The following ATF4 variants were observed in gnomAD, a reference collection of about 807,000 sequenced individuals.
The protein encoded by ATF4 is activating transcription factor 4.
A neutral mutation model predicts 21.0 loss-of-function variants in ATF4; 8 were observed. That is an observed-to-expected ratio of 0.38 (90% CI 0.22 to 0.69). ATF4 has a LOEUF of 0.69. ATF4 is among the 30% of genes least tolerant of loss of function. The pLI is 0.49. For synonymous variants in ATF4, 241 were observed against 166.4 expected (o/e 1.45, Z -3.45); for missense variants, 549 against 425.9 (o/e 1.29, Z -2.54).
intron 1 of ATF4, 41 bp from the exon 2 acceptor site, chr22:39,521,313 A>T (rs1204987831): frequency 5.5e-6 from 4 of 724,676 alleles, no homozygotes; most frequent in South Asian, 2.0e-5. Flanking sequence ...TTCTCAGAAC[A>T]GCTAACCTCT....
chr22:39,522,658 T>C lies in ATF4; in HGVS notation c.*56T>C. The C allele has an allele frequency of 7.2e-7, 1 of 1,395,574 alleles. No homozygotes were observed. The highest frequency in any genetic ancestry group is 9.5e-7 in the Non-Finnish European group (1 of 1,050,396). The allele number at this position is 1,395,574 out of a possible 1,614,324, so 86.4% of individuals were successfully genotyped here. On this transcript the variant is annotated 3_prime_UTR_variant, in exon 3 of 3. Transcript: ENST00000674920. ...GTACATAGAGTGCTGTAGCTGTGTG[T>C]TCCAATAAATTATTTTGTAGGGAAA...
chr22:39,521,927 C>T lies in ATF4; in HGVS notation c.381C>T (p.Val127=). ...CTTGTGATCTCTTTGCCCCCCTAGT[C>T]CAGGAGACTAATAAGCAGCCCCCCC... The part of the protein sequence containing the change: ...DDTCDLFAPL[V]QETNKQPPQT... The change falls in exon 3 of 3, where the codon GTC becomes GTT. Residue 127 remains valine, a synonymous_variant. Coordinates refer to ENST00000674920, the MANE Select transcript of ATF4 (RefSeq NM_182810.3). 1.2e-6 allele frequency: 2 copies of T among 1,612,924 alleles called. No individual in the cohort carries two copies. The highest frequency in any genetic ancestry group is 8.5e-7 in the Non-Finnish European group (1 of 1,179,566).
rs149522605 is a variant in ATF4, at chr22:39,522,017, C to A, written c.471C>A (p.Phe157Leu). 2.5e-6 allele frequency: 4 copies of A among 1,613,922 alleles called. No homozygotes were observed. The highest frequency in any genetic ancestry group is 1.7e-5 in the Admixed American group (1 of 60,022). Residue 157 changes from phenylalanine to leucine, a missense_variant, in exon 3 of 3, where the codon TTC becomes TTA. Phe to Leu is a conservative substitution (Grantham distance 22). Transcript: ENST00000674920. Reference sequence around the variant, plus strand: ...CAAAACCCGACCAGGTTGCCCCCTTCACCTTCTTACAACCTCTTCCCCTTT... The same window carrying A: ...CAAAACCCGACCAGGTTGCCCCCTTAACCTTCTTACAACCTCTTCCCCTTT... ...SLTKPDQVAPFTFLQPLPLSP... is the reference protein window; with the variant it reads ...SLTKPDQVAPLTFLQPLPLSP...
rs1480481475 is a variant in ATF4, at chr22:39,521,436, G to A, written c.-10G>A. 5.2e-6 allele frequency: 8 copies of A among 1,526,240 alleles called. No individual in the cohort carries two copies. Among genetic ancestry groups the A allele is most frequent in the Non-Finnish European group, 6.2e-6 (7 of 1,136,460 alleles). 94.5% of individuals were successfully genotyped at this position (1,526,240 alleles called of 1,614,324 possible). A position where few individuals can be genotyped will look rare whatever the true frequency, so the allele number is the denominator to read the frequency against. On this transcript the variant is annotated 5_prime_UTR_variant, in exon 2 of 3. Transcript: ENST00000674920. Reference sequence around the variant, plus strand: ...AAGCACATTCCTCGATTCCAGCAAAGCACCGCAACATGACCGAAATGAGCT... The same window carrying A: ...AAGCACATTCCTCGATTCCAGCAAAACACCGCAACATGACCGAAATGAGCT...
chr22:39,522,436 A>G lies in ATF4; in HGVS notation c.890A>G (p.Gln297Arg), dbSNP rs1006300408. 2.5e-6 allele frequency: 4 copies of G among 1,613,676 alleles called. No homozygotes were observed. Among genetic ancestry groups the G allele is most frequent in the African/African-American group, 2.7e-5 (2 of 74,938 alleles). ...AAGACAGCAGCCACTAGGTACCGCC[A>G]GAAGAAGAGGGCGGAGCAGGAGGCT... The part of the protein sequence containing the change: ...QNKTAATRYR[Q>R]KKRAEQEALT... The change falls in exon 3 of 3, where the codon CAG (glutamine) becomes CGG (arginine). Residue 297 changes from glutamine to arginine, a missense_variant. By Grantham distance (43) the Gln-to-Arg change is conservative (BLOSUM62 1). Coordinates refer to ENST00000674920, the MANE Select transcript of ATF4 (RefSeq NM_182810.3).
At position 39,521,783 on chromosome 22, in the gene ATF4, C is replaced by G. The variant is rs1465556119; in HGVS notation, c.237C>G (p.Phe79Leu). ...TCAAATGTTTTGCAGAGGATGCCTT[C>G]TCCGGGACAGATTGGATGTTGGAGA... ...SPSNNSKEDA[F>L]SGTDWMLEKM... The change falls in exon 3 of 3, where the codon TTC becomes TTG. Residue 79 changes from phenylalanine (F) to leucine (L), a missense_variant. Physicochemically the swap from Phe to Leu is conservative, Grantham distance 22. Transcript: ENST00000674920. The G allele has an allele frequency of 1.3e-5, 21 of 1,613,844 alleles. No homozygotes were observed. The highest frequency in any genetic ancestry group is 6.6e-5 in the South Asian group (6 of 91,076).
At position 39,522,187 on chromosome 22, in the gene ATF4, C is replaced by G. The variant is rs1384839370; in HGVS notation, c.641C>G (p.Pro214Arg). The stretch of plus-strand genomic sequence containing the variant: ...CAGTGCATAAAGGAGGAAGACACCC[C>G]TTCAGATAATGATAGTGGCATCTGT... ...IPQCIKEEDTPSDNDSGICMS... is the reference protein window; with the variant it reads ...IPQCIKEEDTRSDNDSGICMS... The change falls in exon 3 of 3, where the codon CCT becomes CGT. Residue 214 changes from proline (P) to arginine (R), a missense_variant. Transcript: ENST00000674920. The G allele has an allele frequency of 2.5e-6, 4 of 1,611,952 alleles. No individual in the cohort carries two copies. The South Asian group carries it at 4.4e-5, about 18-fold the overall frequency.
Position 39,521,612 on chromosome 22 carries a change from C to T in ATF4, c.167C>T (p.Ala56Val), listed in dbSNP as rs994266051. Reference sequence around the variant, plus strand: ...GGGTTCTCCAGCGACAAGGCTAAGGCGGGCTCCTCCGAATGGCTGGCTGTG... The same window carrying T: ...GGGTTCTCCAGCGACAAGGCTAAGGTGGGCTCCTCCGAATGGCTGGCTGTG... Reference protein sequence around the residue: ...PHGFSSDKAKAGSSEWLAVDG... With the variant: ...PHGFSSDKAKVGSSEWLAVDG... Residue 56 changes from alanine (A) to valine (V), a missense_variant, in exon 2 of 3, where the codon GCG becomes GTG. By Grantham distance (64) the Ala-to-Val change is moderately conservative. Transcript: ENST00000674920. The T allele has an allele frequency of 1.4e-5, 22 of 1,614,022 alleles. No individual in the cohort carries two copies. Among genetic ancestry groups the T allele is most frequent in the Non-Finnish European group, 1.8e-5 (21 of 1,180,026 alleles).
chr22:39,520,868 GC>G (rs1265971164), intron 1 of ATF4, 117 bp downstream of exon 1: 1 of 152,914 alleles, frequency 6.5e-6, no homozygotes, highest in African/African-American at 2.4e-5. Context: ...TTTAACGAGC[GC>G]CCGGGACGCG....
At position 39,521,435 on chromosome 22, in the gene ATF4, A is replaced by G; in HGVS notation, c.-11A>G. On this transcript the variant is annotated 5_prime_UTR_variant, in exon 2 of 3. Transcript: ENST00000674920. ...TAAGCACATTCCTCGATTCCAGCAA[A>G]GCACCGCAACATGACCGAAATGAGC... 6.6e-7 allele frequency: 1 copy of G among 1,524,156 alleles called. No homozygotes were observed. Among genetic ancestry groups the G allele is most frequent in the Non-Finnish European group, 8.8e-7 (1 of 1,135,622 alleles). The allele number at this position is 1,524,156 out of a possible 1,614,324, so 94.4% of individuals were successfully genotyped here. A position where few individuals can be genotyped will look rare whatever the true frequency, so the allele number is the denominator to read the frequency against.
At position 39,521,155 on chromosome 22, in the gene ATF4, G is replaced by C. The variant is rs1930918408; in HGVS notation, c.-92-199G>C. On this transcript the variant is annotated intron_variant, in intron 1 of 2. Transcript: ENST00000674920. ...GGGGACGGAGCGCTTTCCTCTTGGC[G>C]GCCGGTGGAAGAATCCCCTGGTCTC... 1.4e-5 allele frequency: 3 copies of C among 212,440 alleles called. No individual in the cohort carries two copies. The Admixed American group carries it at 1.7e-4, about 12-fold the overall frequency. 13.2% of individuals were successfully genotyped at this position (212,440 alleles called of 1,614,324 possible).
rs533796405 is a variant in ATF4, at chr22:39,521,684, C to T, written c.226+13C>T. 2 of 1,612,172 alleles carry T rather than the reference C, an allele frequency of 1.2e-6. No homozygotes were observed. The highest frequency in any genetic ancestry group is 2.2e-5 in the South Asian group (2 of 90,942). ...AACAACAGCAAGGGTGAGTGGGCCA[C>T]CACCACATCGTCCTGGTGGGATCTA... is the stretch of plus-strand genomic sequence containing the variant. On this transcript the variant is annotated intron_variant, in intron 2 of 2. Transcript: ENST00000674920.
At position 39,521,569 on chromosome 22, in the gene ATF4, A is replaced by G; in HGVS notation, c.124A>G (p.Lys42Glu). Residue 42 changes from lysine to glutamate, a missense_variant, in exon 2 of 3, where the codon AAG becomes GAG. Lys to Glu is a moderately conservative substitution (Grantham distance 56, BLOSUM62 1). Coordinates refer to ENST00000674920, the MANE Select transcript of ATF4 (RefSeq NM_182810.3). ...CTTAGATGATTACCTGGAGGTGGCC[A>G]AGCACTTCAAACCTCATGGGTTCTC... ...GLLDDYLEVA[K>E]HFKPHGFSSD... The G allele has an allele frequency of 6.2e-7, 1 of 1,613,794 alleles. No homozygotes were observed. The highest frequency in any genetic ancestry group is 8.5e-7 in the Non-Finnish European group (1 of 1,179,998).
rs2145765163 is a variant in ATF4, at chr22:39,522,623, C to T, written c.*21C>T. On this transcript the variant is annotated 3_prime_UTR_variant, in exon 3 of 3. Coordinates refer to ENST00000674920, the MANE Select transcript of ATF4 (RefSeq NM_182810.3). ...CCTAGTTGAGGATAGTCAGGAGCGT[C>T]AATGTGCTTGTACATAGAGTGCTGT... 6.6e-7 allele frequency: 1 copy of T among 1,514,508 alleles called. No individual in the cohort carries two copies. The allele number at this position is 1,514,508 out of a possible 1,614,324, so 93.8% of individuals were successfully genotyped here. A position where few individuals can be genotyped will look rare whatever the true frequency, so the allele number is the denominator to read the frequency against.
Position 39,521,614 on chromosome 22 carries a change from G to T in ATF4, c.169G>T (p.Gly57Cys). Residue 57 changes from glycine (G) to cysteine (C), a missense_variant, in exon 2 of 3, where the codon GGC becomes TGC. Coordinates refer to ENST00000674920, the MANE Select transcript of ATF4 (RefSeq NM_182810.3). Reference protein sequence around the residue: ...HGFSSDKAKAGSSEWLAVDGL... With the variant: ...HGFSSDKAKACSSEWLAVDGL... ...GTTCTCCAGCGACAAGGCTAAGGCGGGCTCCTCCGAATGGCTGGCTGTGGA... is the reference window on the plus strand; with the variant it reads ...GTTCTCCAGCGACAAGGCTAAGGCGTGCTCCTCCGAATGGCTGGCTGTGGA... The T allele has an allele frequency of 1.2e-6, 2 of 1,614,158 alleles. No individual in the cohort carries two copies. The highest frequency in any genetic ancestry group is 1.7e-6 in the Non-Finnish European group (2 of 1,180,028).
In ATF4 at chr22:39,522,147, G is replaced by A. The variant is rs2228181; in HGVS notation, c.601G>A (p.Val201Ile). 1.7e-3 allele frequency: 2,741 copies of A among 1,613,768 alleles called. 45 individuals carry two copies. In the African/African-American group the frequency reaches 0.032, roughly 19 times the overall value. The change falls in exon 3 of 3, where the codon GTT becomes ATT. Residue 201 changes from valine (V) to isoleucine (I), a missense_variant. Transcript: ENST00000674920. ...GDRKPDYTAY[V>I]AMIPQCIKEE... ...TAGGAAGCCAGACTACACTGCTTAC[G>A]TTGCCATGATCCCTCAGTGCATAAA...
chr22:39,522,384 A>G lies in ATF4; in HGVS notation c.838A>G (p.Lys280Glu), dbSNP rs907004587. Residue 280 changes from lysine (K) to glutamate (E), a missense_variant, in exon 3 of 3, where the codon AAG becomes GAG. Coordinates refer to ENST00000674920, the MANE Select transcript of ATF4 (RefSeq NM_182810.3). ...AAKVKGEKLDKKLKKMEQNKT... is the reference protein window; with the variant it reads ...AAKVKGEKLDEKLKKMEQNKT... ...AAAAGTAAAGGGTGAGAAACTGGAT[A>G]AGAAGCTGAAAAAAATGGAGCAAAA... 4 of 1,612,584 alleles carry G rather than the reference A, an allele frequency of 2.5e-6. No individual in the cohort carries two copies. In the African/African-American group the frequency reaches 4.0e-5, roughly 16 times the overall value.
chr22:39,522,453 C>A lies in ATF4; in HGVS notation c.907C>A (p.Gln303Lys), dbSNP rs1430369994. 3.7e-6 allele frequency: 6 copies of A among 1,613,772 alleles called. No individual in the cohort carries two copies. The highest frequency in any genetic ancestry group is 4.2e-6 in the Non-Finnish European group (5 of 1,179,770). ...GTACCGCCAGAAGAAGAGGGCGGAG[C>A]AGGAGGCTCTTACTGGTGAGTGCAA... ...TRYRQKKRAE[Q>K]EALTGECKEL... is the part of the protein sequence containing the mutation. Residue 303 changes from glutamine to lysine, a missense_variant, in exon 3 of 3, where the codon CAG (glutamine) becomes AAG (lysine). By Grantham distance (53) the Gln-to-Lys change is moderately conservative. Coordinates refer to ENST00000674920, the MANE Select transcript of ATF4 (RefSeq NM_182810.3).
In ATF4 at chr22:39,522,607, G is replaced by A; in HGVS notation, c.*5G>A. On this transcript the variant is annotated 3_prime_UTR_variant, in exon 3 of 3. Coordinates refer to ENST00000674920, the MANE Select transcript of ATF4 (RefSeq NM_182810.3). Reference sequence around the variant, plus strand: ...GGGAAGAAAAGGGTCCCCTAGTTGAGGATAGTCAGGAGCGTCAATGTGCTT... The same window carrying A: ...GGGAAGAAAAGGGTCCCCTAGTTGAAGATAGTCAGGAGCGTCAATGTGCTT... 2 of 1,528,708 alleles carry A rather than the reference G, an allele frequency of 1.3e-6. No individual in the cohort carries two copies. Among genetic ancestry groups the A allele is most frequent in the Non-Finnish European group, 1.8e-6 (2 of 1,142,510 alleles). 94.7% of individuals were successfully genotyped at this position (1,528,708 alleles called of 1,614,324 possible). A position where few individuals can be genotyped will look rare whatever the true frequency, so the allele number is the denominator to read the frequency against.
Sources: allele counts gnomAD v4.1 joint callset, GRCh38; gene constraint gnomAD v4.1.1; transcripts MANE v1.5; gene names NCBI Gene and HGNC (gene_info 2026-07-23, HGNC 2026-07-21).